Variants in ZNF286A observed in about 807,000 individuals in gnomAD.
ZNF286A encodes zinc finger protein 286A.
In ZNF286A, 34 loss-of-function variants were observed where a neutral mutation model predicts 49.3. That is an observed-to-expected ratio of 0.69 (90% confidence interval 0.52 to 0.92). The LOEUF is 0.92. Among genes scored for constraint, ZNF286A ranks in the 40% least tolerant of loss-of-function variants. ZNF286A has a pLI of 0.00. For missense variants in ZNF286A, 462 were observed against 600.2 expected, an observed-to-expected ratio of 0.77 and a Z score of 2.41; for synonymous variants, 155 against 200.4, an observed-to-expected ratio of 0.77 and a Z score of 1.91.
At chr17:15,715,412 T>A (rs1293465481) in intron 5 of ZNF286A, among the ~76,000 whole-genome samples, 1 of 152,160 alleles carries the variant, frequency 6.6e-6, no homozygotes, top group Non-Finnish European at 1.5e-5. Flanking sequence ...CTCCATTGTT[T>A]GTATCCACTA....
intron 4 of ZNF286A, 46 bp from the exon 5 acceptor site, chr17:15,708,109 C>G (rs770066232): frequency 5.7e-6 from 8 of 1,397,356 alleles, no homozygotes; most frequent in Middle Eastern, 3.8e-4. Context: ...ATAACTTACT[C>G]CCATTACTTT....
chr17:15,710,501 T>C (rs1460766486), intron 5 of ZNF286A, among the ~76,000 whole-genome samples: 2 of 152,236 alleles, frequency 1.3e-5, no homozygotes, highest in African/African-American at 2.4e-5. Flanking sequence ...TTTGTAATGC[T>C]ACCTGTGGTA....
In ZNF286A at chr17:15,717,134, G is replaced by C. The variant is rs1417751491; in HGVS notation, c.1410G>C (p.Glu470Asp). The change falls in exon 6 of 6, where the codon GAG becomes GAC. Residue 470 changes from glutamate to aspartate, a missense_variant. Glu to Asp is a conservative substitution (Grantham distance 45). This residue lies in a region of ZNF286A where 201 missense variants were observed against 311.3 expected (regional missense o/e 0.65). Transcript: ENST00000583566. Reference protein sequence around the residue: ...HIGKKPYKCSECGKAFIHSSA... With the variant: ...HIGKKPYKCSDCGKAFIHSSA... The stretch of plus-strand genomic sequence containing the variant: ...GAAAGAAACCGTACAAATGTAGCGA[G>C]TGTGGAAAAGCCTTCATTCATTCAT... The C allele has an allele frequency of 1.2e-6, 2 of 1,613,638 alleles. No individual in the cohort carries two copies. Among genetic ancestry groups the C allele is most frequent in the South Asian group, 2.2e-5 (2 of 91,012 alleles).
At chr17:15,706,604 A>G (rs1597714764) in intron 4 of ZNF286A, 103 bp downstream of exon 4, 1 of 804,662 alleles carries the variant, frequency 1.2e-6, no homozygotes, top group African/African-American at 1.7e-5. Context: ...TCAGGAGTCA[A>G]AAAGTGTTAA....
intron 5 of ZNF286A, among the ~76,000 whole-genome samples, chr17:15,714,051 T>C (rs1437922863): frequency 6.6e-6 from 1 of 152,206 alleles, no homozygotes; most frequent in Non-Finnish European, 1.5e-5. Flanking sequence ...CATTGTTCTT[T>C]GGTATAAACA....
chr17:15,705,017 C>A, intron 3 of ZNF286A: 1 of 632,300 alleles, frequency 1.6e-6, no homozygotes. Context: ...CCGGCGGCCC[C>A]GCTCCGCTCC....
chr17:15,704,605 A>G, intron 3 of ZNF286A: 2 of 1,614,030 alleles, frequency 1.2e-6, no homozygotes, highest in Non-Finnish European at 8.5e-7. Flanking sequence ...GTCCCTCTTG[A>G]GCACGTTGAC....
At chr17:15,703,351 C>T (rs1989934604) in intron 3 of ZNF286A, among the ~76,000 whole-genome samples, 1 of 152,002 alleles carries the variant, frequency 6.6e-6, no homozygotes, top group Non-Finnish European at 1.5e-5. Flanking sequence ...ATTTTTAAAA[C>T]TCTCTTTGTT....
chr17:15,711,870 C>CTT (rs369194562), intron 5 of ZNF286A, among the ~76,000 whole-genome samples: 1 of 94,602 alleles, frequency 1.1e-5, no homozygotes, highest in African/African-American at 4.1e-5. Context: ...GCCCCCCCCC[C>CTT]GGCTTTTTTT....
At chr17:15,704,601 C>G in intron 3 of ZNF286A, 1 of 1,614,076 alleles carries the variant, frequency 6.2e-7, no homozygotes. Flanking sequence ...TCCAGTCCCT[C>G]TTGAGCACGT....
intron 5 of ZNF286A, chr17:15,711,420 T>C (rs1990638411): frequency 6.6e-6 from 1 of 152,234 alleles, no homozygotes; most frequent in Non-Finnish European, 1.5e-5. Context: ...TTAAATATTC[T>C]AATTACTCAA....
rs1236522225 is a variant in ZNF286A, at chr17:15,717,326, T to C, written c.*36T>C. 7.2e-7 allele frequency: 1 copy of C among 1,391,612 alleles called. No homozygotes were observed. The highest frequency in any genetic ancestry group is 1.4e-5 in the South Asian group (1 of 69,154). The allele number at this position is 1,391,612 out of a possible 1,614,324, so 86.2% of individuals were successfully genotyped here. A position where few individuals can be genotyped will look rare whatever the true frequency, so the allele number is the denominator to read the frequency against. ...AATGTGAAGAAATGTAAGTTGGTTT[T>C]ATCACTGTATTAAATACTTGAGTGT... On this transcript the variant is annotated 3_prime_UTR_variant, in exon 6 of 6. Transcript: ENST00000583566.
intron 5 of ZNF286A, chr17:15,711,295 T>C (rs1158917034): frequency 6.6e-6 from 1 of 152,224 alleles, no homozygotes; most frequent in Non-Finnish European, 1.5e-5. Flanking sequence ...AGGTTACATA[T>C]ATATTTGCCT....
chr17:15,708,404 ATAACAT>A, intron 5 of ZNF286A, 157 bp downstream of exon 5: 1 of 476,764 alleles, frequency 2.1e-6, no homozygotes, highest in Non-Finnish European at 3.6e-6. Flanking sequence ...AGAAAATAAA[ATAACAT>A]TCATGTATCC....
rs376570933 is a variant in ZNF286A at position 15,720,517 on chromosome 17, C to T, written c.*3227C>T. On this transcript the variant is annotated 3_prime_UTR_variant, in exon 6 of 6. Transcript: ENST00000583566. ...TTTTTTCCTACTTCATATCACTTAA[C>T]CAGTAGCTATCTGGGATGGTTCCAG... 6.3e-3 allele frequency: 693 copies of T among 109,956 alleles called. 11 individuals are homozygous for T. The highest frequency in any genetic ancestry group is 0.025 in the African/African-American group (659 of 26,842). 6.8% of individuals were successfully genotyped at this position (109,956 alleles called of 1,614,324 possible). A position where few individuals can be genotyped will look rare whatever the true frequency, so the allele number is the denominator to read the frequency against.
At chr17:15,714,815 G>A (rs576898111) in intron 5 of ZNF286A, among the ~76,000 whole-genome samples, 82 of 152,074 alleles carry the variant, frequency 5.4e-4, no homozygotes, top group African/African-American at 1.9e-3. Flanking sequence ...GATAGAAGAT[G>A]AATAGATAGA....
At chr17:15,708,983 GATAGATAC>G (rs1325661676) in intron 5 of ZNF286A, among the ~76,000 whole-genome samples, 3 of 152,168 alleles carry the variant, frequency 2.0e-5, no homozygotes, top group African/African-American at 7.2e-5. Context: ...TTTATCAGAG[GATAGATAC>G]ATACTCACTT....
intron 3 of ZNF286A, chr17:15,701,494 T>G (rs1989772344): frequency 2.9e-6 from 1 of 342,970 alleles, no homozygotes; most frequent in Non-Finnish European, 5.4e-6. Flanking sequence ...TTTCTTAGCC[T>G]CCTATGCTCA....
In ZNF286A at chr17:15,716,715, T is replaced by C. The variant is rs1400719765; in HGVS notation, c.991T>C (p.Cys331Arg). The change falls in exon 6 of 6, where the codon TGT becomes CGT. Residue 331 changes from cysteine to arginine, a missense_variant. Around this residue, in one of 3 missense-constraint regions of ZNF286A, gnomAD observed 201 missense variants for 311.3 expected, o/e 0.65. Transcript: ENST00000583566. Reference sequence around the variant, plus strand: ...AGAGAGACCTTATGAATGCAATGAATGTGGGAAAGGTTTTAATCGAAGTAC... The same window carrying C: ...AGAGAGACCTTATGAATGCAATGAACGTGGGAAAGGTTTTAATCGAAGTAC... ...VGERPYECNE[C>R]GKGFNRSTHL... 8 of 1,613,830 alleles carry C rather than the reference T, an allele frequency of 5.0e-6. No individual in the cohort carries two copies. The Admixed American group carries it at 1.3e-4, about 27-fold the overall frequency.
Sources: allele counts gnomAD v4.1 joint callset (sites outside exome capture counted in the v4.1 genomes callset), GRCh38; gene constraint gnomAD v4.1.1; regional missense constraint gnomAD v4.1.1; transcripts MANE v1.5; gene names NCBI Gene and HGNC (gene_info 2026-07-23, HGNC 2026-07-21).